Variants in SLC2A9 observed in about 807,000 individuals in gnomAD.
SLC2A9 encodes solute carrier family 2 member 9.
SLC2A9 carries 39 observed loss-of-function variants against 50.6 expected under a neutral mutation model. That is an observed-to-expected ratio of 0.77 (90% CI 0.60 to 1.01). SLC2A9 has a LOEUF of 1.01. Among genes scored for constraint, SLC2A9 ranks in the 50% least tolerant of loss-of-function variants. The pLI, the probability that SLC2A9 is intolerant of heterozygous loss-of-function variation, is 0.00. For synonymous variants in SLC2A9, 324 were observed against 276.9 expected (o/e 1.17, Z -1.69); for missense variants, 686 against 677.6 (o/e 1.01, Z -0.14).
At chr4:9,876,723 A>G (rs1734373965) in intron 10 of SLC2A9, among the ~76,000 whole-genome samples, 1 of 152,238 alleles carries the variant, frequency 6.6e-6, no homozygotes, top group Non-Finnish European at 1.5e-5. Context: ...GGGTAGTTTT[A>G]GATAGCTCAT....
chr4:9,906,770 G>A (rs980768824), intron 8 of SLC2A9, among the ~76,000 whole-genome samples: 1 of 152,216 alleles, frequency 6.6e-6, no homozygotes, highest in African/African-American at 2.4e-5. Flanking sequence ...ATCTCAGACT[G>A]TGTTTTTCCA....
At chr4:9,902,702 G>A (rs76792371) in intron 8 of SLC2A9, among the ~76,000 whole-genome samples, 1 of 152,196 alleles carries the variant, frequency 6.6e-6, no homozygotes, top group African/African-American at 2.4e-5. Context: ...CGTTCTGCCT[G>A]TGTGTATGCC....
chr4:9,810,127 C>G lies in SLC2A9; in HGVS notation n.421-10886G>C, dbSNP rs1315386210. Among the ~76,000 whole-genome samples the G allele has an allele frequency of 2.0e-5, 3 of 152,008 alleles. No homozygotes were observed. In the East Asian group the frequency reaches 5.8e-4, roughly 29 times the overall value. ...GGTGGTCTATTTATTTGATTATTTC[C>G]CATGTTTCTCCACTTGAATGTCAGC... On this transcript the variant is annotated intron_variant and non_coding_transcript_variant, in intron 3 of 3. Coordinates refer to the SLC2A9 transcript ENST00000503280.
intron 7 of SLC2A9, among the ~76,000 whole-genome samples, chr4:9,909,214 A>G (rs905289103): frequency 1.3e-5 from 2 of 152,220 alleles, no homozygotes; most frequent in African/African-American, 4.8e-5. Flanking sequence ...CCAGGAAGTT[A>G]GAAAGAGTTA....
chr4:9,941,095 T>A (rs1467834636), intron 6 of SLC2A9, among the ~76,000 whole-genome samples: 1 of 152,230 alleles, frequency 6.6e-6, no homozygotes, highest in Non-Finnish European at 1.5e-5. Flanking sequence ...AAGGTAGTGC[T>A]GGTTACCTTC....
intron 3 of SLC2A9, among the ~76,000 whole-genome samples, chr4:9,805,491 G>C (rs1170504118): frequency 6.6e-6 from 1 of 152,094 alleles, no homozygotes; most frequent in Non-Finnish European, 1.5e-5. Flanking sequence ...CTGAACTCAG[G>C]AGTTTGACAC....
intron 8 of SLC2A9, among the ~76,000 whole-genome samples, chr4:9,894,366 A>C (rs937519946): frequency 6.6e-6 from 1 of 152,254 alleles, no homozygotes; most frequent in Admixed American, 6.5e-5. Context: ...AATATCAATT[A>C]CAATTATGTT....
At chr4:9,799,700 C>CCTCCA (rs1553813203) in intron 3 of SLC2A9, among the ~76,000 whole-genome samples, 4 of 93,634 alleles carry the variant, frequency 4.3e-5, no homozygotes, top group Non-Finnish European at 6.4e-5. Flanking sequence ...GTACCCCCCC[C>CCTCCA]CCACCCAACT....
chr4:9,985,052 T>C (rs963143367), intron 4 of SLC2A9, among the ~76,000 whole-genome samples: 1 of 152,164 alleles, frequency 6.6e-6, no homozygotes, highest in Non-Finnish European at 1.5e-5. Flanking sequence ...GCTCCTCTGG[T>C]CTCTGCTCAG....
At chr4:10,018,018 A>G (rs1762899058) in intron 2 of SLC2A9, among the ~76,000 whole-genome samples, 1 of 152,196 alleles carries the variant, frequency 6.6e-6, no homozygotes, top group African/African-American at 2.4e-5. Flanking sequence ...CAAGCCTCCA[A>G]CCTGCCCTTG....
chr4:10,036,272 A>C (rs917069104), intron 1 of SLC2A9: 5 of 152,282 alleles, frequency 3.3e-5, no homozygotes, highest in African/African-American at 1.2e-4. Context: ...GACCCCATAC[A>C]CATTTCCGTA....
At chr4:9,861,858 C>A (rs1403972073) in intron 10 of SLC2A9, among the ~76,000 whole-genome samples, 1 of 152,178 alleles carries the variant, frequency 6.6e-6, no homozygotes, top group Non-Finnish European at 1.5e-5. Context: ...AGTACAGACA[C>A]ATCTTTCACA....
chr4:9,782,619 T>G, intron 3 of SLC2A9: 2 of 1,613,944 alleles, frequency 1.2e-6, no homozygotes, highest in Middle Eastern at 1.7e-4. Context: ...CCAAACAACC[T>G]GGCCAACTGG....
chr4:9,846,153 C>T (rs986144386), intron 10 of SLC2A9, among the ~76,000 whole-genome samples: 2 of 152,168 alleles, frequency 1.3e-5, no homozygotes, highest in East Asian at 1.9e-4. Flanking sequence ...CCAAGAGATC[C>T]GGACCCAGGT....
chr4:9,952,767 T>G (rs184915437), intron 5 of SLC2A9, among the ~76,000 whole-genome samples: 50 of 152,320 alleles, frequency 3.3e-4, no homozygotes, highest in African/African-American at 1.2e-3. Context: ...TCAAGCGATC[T>G]GCCTGCCACA....
rs1335733209 is a variant in SLC2A9, at chr4:9,924,642, T to C, written c.815-4070A>G. On this transcript the variant is annotated intron_variant, in intron 6 of 11. Coordinates refer to ENST00000264784, the MANE Select transcript of SLC2A9 (RefSeq NM_020041.3). ...GAGAAGTGGTGCTTCCTCAATTGCA[T>C]CCTCCATTTCCCTGTCCCATTTCCC... Among the ~76,000 whole-genome samples the C allele has an allele frequency of 1.1e-3, 171 of 152,144 alleles. 1 individual carries two copies. Among genetic ancestry groups the C allele is most frequent in the Non-Finnish European group, 3.4e-4 (23 of 67,994 alleles).
chr4:9,857,794 C>T (rs1374867891), intron 10 of SLC2A9, among the ~76,000 whole-genome samples: 1 of 152,186 alleles, frequency 6.6e-6, no homozygotes, highest in African/African-American at 2.4e-5. Flanking sequence ...CCTGGGATCA[C>T]CCCCCAAACA....
At chr4:9,921,541 C>T (rs6815895) in intron 6 of SLC2A9, among the ~76,000 whole-genome samples, 26,759 of 152,204 alleles carry the variant, frequency 0.18, 2,572 homozygotes, top group Non-Finnish European at 0.21. Context: ...AACATGGCTC[C>T]GCCCCTCAGG....
rs116574712 is a variant in SLC2A9, at chr4:9,859,038, C to A, written c.1292-24030G>T. Among the ~76,000 whole-genome samples the A allele has an allele frequency of 8.0e-3, 1,218 of 152,274 alleles. 16 individuals carry two copies. Among genetic ancestry groups the A allele is most frequent in the African/African-American group, 0.028 (1,156 of 41,544 alleles). ...ACACCAGTGGTTTGCCAGGGACTCT[C>A]GGGTCTTTGGCCACTGACTGAAGGG... On this transcript the variant is annotated intron_variant, in intron 10 of 11. Coordinates refer to ENST00000264784, the MANE Select transcript of SLC2A9 (RefSeq NM_020041.3).
Sources: gnomAD v4.1 joint callset for allele counts (sites outside exome capture counted in the v4.1 genomes callset) on GRCh38, gnomAD v4.1.1 for gene constraint, MANE v1.5 for transcripts, NCBI Gene and HGNC (gene_info 2026-07-23, HGNC 2026-07-21) for gene names.